The following RNF212B variants were observed in gnomAD, a reference collection of about 807,000 sequenced individuals.
RNF212B encodes the protein ring finger protein 212B, also known as E3 ubiquitin-protein ligase RNF212B.
RNF212B carries 52 observed loss-of-function variants against 55.5 expected under a neutral mutation model. The observed-to-expected ratio is 0.94, with a 90% CI of 0.75 to 1.18. The LOEUF is 1.18. Among genes scored for constraint, RNF212B ranks in the 50% most tolerant of loss-of-function variants. The pLI is 0.00. For synonymous variants in RNF212B, 99 were observed against 121.4 expected, an observed-to-expected ratio of 0.82 and a Z score of 1.21; for missense variants, 289 against 350.4, an observed-to-expected ratio of 0.82 and a Z score of 1.40.
intron 2 of RNF212B, among the ~76,000 whole-genome samples, chr14:23,209,337 A>T (rs374949776): frequency 2.0e-5 from 3 of 152,214 alleles, no homozygotes; most frequent in East Asian, 3.9e-4. Flanking sequence ...TCATCCTGTG[A>T]CTTAGAATGC....
chr14:23,238,241 A>G (rs1883272931), intron 1 of RNF212B, among the ~76,000 whole-genome samples, 186 bp downstream of exon 1: 1 of 148,950 alleles, frequency 6.7e-6, no homozygotes, highest in African/African-American at 2.6e-5. Context: ...AAACCTGGGC[A>G]TATAGAACGG....
intron 2 of RNF212B, among the ~76,000 whole-genome samples, chr14:23,215,352 C>T (rs1594888292): frequency 6.6e-6 from 1 of 152,268 alleles, no homozygotes; most frequent in African/African-American, 2.4e-5. Flanking sequence ...TCAAGACAGA[C>T]TAATACAGTT....
rs938764502 is a variant in RNF212B, at chr14:23,189,567, C to T, written c.-78-3758C>T. Among the ~76,000 whole-genome samples, 3 of 152,138 alleles carry T rather than the reference C, an allele frequency of 2.0e-5. No homozygotes were observed. In the East Asian group the frequency reaches 5.8e-4, roughly 29 times the overall value. The stretch of plus-strand genomic sequence containing the variant: ...TCTATAATCCCATCACTTTGGGAGG[C>T]CAAGGCGGGAGGATCGCTTGAGTCC... On this transcript the variant is annotated intron_variant, in intron 1 of 15. Coordinates refer to the RNF212B transcript ENST00000399910.
chr14:23,190,988 C>G (rs908945416), intron 1 of RNF212B, among the ~76,000 whole-genome samples: 12 of 152,206 alleles, frequency 7.9e-5, no homozygotes, highest in African/African-American at 2.9e-4. Flanking sequence ...GGTGTCCTCC[C>G]TTTCTCACAT....
Position 23,209,059 on chromosome 14 carries a change from G to C in RNF212B, c.-2+15658G>C, listed in dbSNP as rs1037126194. Among the ~76,000 whole-genome samples, 5 of 152,130 alleles carry C rather than the reference G, an allele frequency of 3.3e-5. No individual in the cohort carries two copies. In the East Asian group the frequency reaches 9.6e-4, roughly 29 times the overall value. ...AGGCGTGAGCCACCGTGCCCGGCCT[G>C]GTTGCCCATGTTTATGGTTATGTAT... On this transcript the variant is annotated intron_variant, in intron 2 of 15. Coordinates refer to the RNF212B transcript ENST00000399910.
intron 2 of RNF212B, among the ~76,000 whole-genome samples, chr14:23,203,346 G>A (rs10145356): frequency 0.59 from 89,058 of 151,740 alleles, 26,720 homozygotes; most frequent in Admixed American, 0.67. Flanking sequence ...TTGGTTCCAC[G>A]ATTTTGCAAT....
At chr14:23,196,171 A>T (rs1429890268) in intron 2 of RNF212B, among the ~76,000 whole-genome samples, 1 of 152,162 alleles carries the variant, frequency 6.6e-6, no homozygotes, top group Non-Finnish European at 1.5e-5. Flanking sequence ...GAGCCTAGAC[A>T]CTTAGCCACC....
chr14:23,248,559 C>T (rs549835734), intron 4 of RNF212B, among the ~76,000 whole-genome samples: 1 of 150,718 alleles, frequency 6.6e-6, no homozygotes, highest in Non-Finnish European at 1.5e-5. Flanking sequence ...ATCCTGCCTC[C>T]ACCTCCTGAG....
chr14:23,219,461 C>T (rs1881369196), intron 2 of RNF212B, among the ~76,000 whole-genome samples: 4 of 147,652 alleles, frequency 2.7e-5, no homozygotes, highest in Admixed American at 2.7e-4. Context: ...GTAGCGCTCT[C>T]CTTCTTCTCC....
chr14:23,206,752 T>C (rs1322761121), intron 2 of RNF212B, among the ~76,000 whole-genome samples: 1 of 152,164 alleles, frequency 6.6e-6, no homozygotes, highest in Admixed American at 6.5e-5. Flanking sequence ...TTATTTTTCT[T>C]TGAGTCAAAT....
At chr14:23,190,002 A>G (rs1026760289) in intron 1 of RNF212B, among the ~76,000 whole-genome samples, 8 of 152,100 alleles carry the variant, frequency 5.3e-5, no homozygotes, top group Non-Finnish European at 8.8e-5. Flanking sequence ...CAGTTGGACC[A>G]CCGGTGGTCC....
chr14:23,270,078 G>T, intron 13 of RNF212B, 118 bp downstream of exon 13: 1 of 661,032 alleles, frequency 1.5e-6, no homozygotes, highest in Non-Finnish European at 2.7e-6. Context: ...ATTGTCTCTA[G>T]TTGGCTCCTT....
chr14:23,235,017 G>C (rs563941709), upstream of RNF212B, among the ~76,000 whole-genome samples: 1 of 152,264 alleles, frequency 6.6e-6, no homozygotes, highest in African/African-American at 2.4e-5. Flanking sequence ...TTTGAGACCA[G>C]CCTGGCCAAC....
chr14:23,210,206 A>G (rs1350738353), intron 2 of RNF212B, among the ~76,000 whole-genome samples: 2 of 152,196 alleles, frequency 1.3e-5, no homozygotes, highest in Non-Finnish European at 1.5e-5. Flanking sequence ...TCATGATACA[A>G]GCATCAGACA....
intron 2 of RNF212B, among the ~76,000 whole-genome samples, chr14:23,202,907 C>G (rs1879454436): frequency 6.6e-6 from 1 of 150,566 alleles, no homozygotes; most frequent in Non-Finnish European, 1.5e-5. Flanking sequence ...GACTTGGTGT[C>G]CATTTTAGAC....
intron 11 of RNF212B, among the ~76,000 whole-genome samples, chr14:23,267,325 T>A (rs1453178892): frequency 6.6e-6 from 1 of 152,236 alleles, no homozygotes; most frequent in South Asian, 2.1e-4. Context: ...ATTCTATCAG[T>A]TTTTGCTTCA....
chr14:23,243,694 C>CAA (rs761227119), intron 3 of RNF212B, among the ~76,000 whole-genome samples: 18 of 32,356 alleles, frequency 5.6e-4, no homozygotes, highest in South Asian at 1.3e-3. Context: ...GACTCTGTCT[C>CAA]AAAAAAAAAA....
At chr14:23,223,410 C>T (rs1047619465) in intron 2 of RNF212B, among the ~76,000 whole-genome samples, 5 of 151,782 alleles carry the variant, frequency 3.3e-5, no homozygotes, top group African/African-American at 1.2e-4. Context: ...GGCTGGAGTG[C>T]AGTGATATGA....
chr14:23,271,681 G>A (rs531141117), intron 14 of RNF212B, among the ~76,000 whole-genome samples: 1 of 151,894 alleles, frequency 6.6e-6, no homozygotes. Context: ...GGCAACACTG[G>A]GGAAGTAACA....
Sources: allele counts gnomAD v4.1 joint callset (sites outside exome capture counted in the v4.1 genomes callset), GRCh38; gene constraint gnomAD v4.1.1; transcripts MANE v1.5; gene names NCBI Gene and HGNC (gene_info 2026-07-23, HGNC 2026-07-21).